Variants in DLG2 observed in about 807,000 individuals in gnomAD.
DLG2 encodes disks large homolog 2.
A neutral mutation model predicts 132.5 loss-of-function variants in DLG2; 45 were observed. The ratio of observed to expected loss-of-function variants is 0.34; its 90% CI spans 0.27 to 0.44. The LOEUF is 0.44. Among genes scored for constraint, DLG2 ranks in the 20% least tolerant of loss-of-function variants. The probability of loss-of-function intolerance (pLI) is 1.00; values close to 1 mark genes in which losing one functional copy is unlikely to be tolerated. For synonymous variants in DLG2, 424 were observed against 419.6 expected, an observed-to-expected ratio of 1.01 and a Z score of -0.13; for missense variants, 1,045 against 1,196.9, an observed-to-expected ratio of 0.87 and a Z score of 1.87.
intron 7 of DLG2, among the ~76,000 whole-genome samples, chr11:84,493,645 A>C (rs1412720112): frequency 6.6e-6 from 1 of 151,998 alleles, no homozygotes; most frequent in Non-Finnish European, 1.5e-5. Flanking sequence ...CAACTCCACC[A>C]CTCACATAGC....
intron 18 of DLG2, among the ~76,000 whole-genome samples, chr11:83,656,964 C>A (rs2072667143): frequency 6.6e-6 from 1 of 152,110 alleles, no homozygotes; most frequent in Non-Finnish European, 1.5e-5. Context: ...CCTACAAGGC[C>A]TTTGTTACCC....
chr11:84,078,336 A>G (rs1427338261), intron 10 of DLG2, among the ~76,000 whole-genome samples: 1 of 152,194 alleles, frequency 6.6e-6, no homozygotes. Flanking sequence ...AAATTACTTT[A>G]ATAATCTATC....
intron 6 of DLG2, among the ~76,000 whole-genome samples, chr11:84,845,169 A>G (rs1001527012): frequency 9.9e-5 from 15 of 152,168 alleles, no homozygotes; most frequent in Non-Finnish European, 1.5e-4. Flanking sequence ...TTTAGTAAAA[A>G]GAACAGGAAA....
Position 85,387,961 on chromosome 11 carries a change from G to A in DLG2, c.41-102596C>T, listed in dbSNP as rs145684124. ...GAGAATCCACAGACCATTTGAAGGA[G>A]GTGGAATGCCACTGCAGAATCCATG... On this transcript the variant is annotated intron_variant, in intron 3 of 27. Transcript: ENST00000376104. 2.9e-3 allele frequency among the ~76,000 whole-genome samples: 444 copies of A among 152,266 alleles called. 1 individual carries two copies. Among genetic ancestry groups the A allele is most frequent in the African/African-American group, 0.01 (430 of 41,546 alleles).
At chr11:84,974,901 T>C (rs1174820931) in intron 6 of DLG2, among the ~76,000 whole-genome samples, 1 of 152,228 alleles carries the variant, frequency 6.6e-6, no homozygotes, top group East Asian at 1.9e-4. Context: ...TATAAATAGG[T>C]ATAGACTTCT....
chr11:84,464,470 C>A (rs1405340812), intron 7 of DLG2, among the ~76,000 whole-genome samples: 2 of 151,166 alleles, frequency 1.3e-5, no homozygotes, highest in Non-Finnish European at 3.0e-5. Context: ...ATCTCAATCT[C>A]TTCAGAGTTT....
chr11:85,577,143 A>G lies in DLG2; in HGVS notation c.40+21514T>C, dbSNP rs114539175. Among the ~76,000 whole-genome samples, 1,163 of 152,288 alleles carry G rather than the reference A, an allele frequency of 7.6e-3. 16 individuals carry two copies. Among genetic ancestry groups the G allele is most frequent in the African/African-American group, 0.027 (1,132 of 41,578 alleles). On this transcript the variant is annotated intron_variant, in intron 3 of 27. Coordinates refer to ENST00000376104, the MANE Select transcript of DLG2 (RefSeq NM_001142699.3). ...GAAAGTGACAGGAAGCCAGTGAAAG[A>G]TTTTTAAAATACTGAGATAAACTAA... is the stretch of plus-strand genomic sequence containing the variant.
At chr11:85,484,056 C>A (rs927730382) in intron 3 of DLG2, among the ~76,000 whole-genome samples, 2 of 151,954 alleles carry the variant, frequency 1.3e-5, no homozygotes, top group Non-Finnish European at 2.9e-5. Context: ...GGCACGAGAC[C>A]GATAGTCAAC....
intron 6 of DLG2, among the ~76,000 whole-genome samples, chr11:84,947,748 A>G (rs1449788202): frequency 6.6e-6 from 1 of 152,218 alleles, no homozygotes; most frequent in Non-Finnish European, 1.5e-5. Context: ...TATTTAGGAT[A>G]AGCATTATTC....
intron 8 of DLG2, among the ~76,000 whole-genome samples, chr11:84,191,302 T>C (rs1280630493): frequency 1.3e-5 from 2 of 152,228 alleles, no homozygotes; most frequent in African/African-American, 4.8e-5. Context: ...TTGCAAGATA[T>C]GACTACACAT....
intron 15 of DLG2, among the ~76,000 whole-genome samples, chr11:83,882,949 C>T (rs2154076779): frequency 6.6e-6 from 1 of 152,236 alleles, no homozygotes; most frequent in African/African-American, 2.4e-5. Flanking sequence ...CAATTCTCAG[C>T]CCTTGGTTTT....
At chr11:84,678,589 T>C (rs912658159) in intron 6 of DLG2, among the ~76,000 whole-genome samples, 1 of 152,088 alleles carries the variant, frequency 6.6e-6, no homozygotes, top group Non-Finnish European at 1.5e-5. Context: ...CACATAACTA[T>C]ATGAAGCTTA....
chr11:83,945,930 T>C (rs1225440798), intron 14 of DLG2, among the ~76,000 whole-genome samples: 2 of 150,478 alleles, frequency 1.3e-5, no homozygotes, highest in African/African-American at 4.9e-5. Flanking sequence ...CCTTCCTTCC[T>C]TCCGTCCTTC....
intron 11 of DLG2, among the ~76,000 whole-genome samples, chr11:84,043,831 C>A (rs961045519): frequency 2.6e-5 from 4 of 151,534 alleles, no homozygotes; most frequent in Non-Finnish European, 2.9e-5. Context: ...TATTTAGGCC[C>A]TTTATTGGGT....
chr11:83,832,271 A>G (rs1341665480), intron 17 of DLG2, among the ~76,000 whole-genome samples: 1 of 152,202 alleles, frequency 6.6e-6, no homozygotes, highest in African/African-American at 2.4e-5. Flanking sequence ...ATAATAATAA[A>G]AAAAGAAGAG....
chr11:84,047,071 A>G (rs1189258103), intron 11 of DLG2, among the ~76,000 whole-genome samples: 1 of 151,604 alleles, frequency 6.6e-6, no homozygotes, highest in African/African-American at 2.4e-5. Flanking sequence ...TTAGTCAGGG[A>G]TCATGAAGAA....
intron 6 of DLG2, among the ~76,000 whole-genome samples, chr11:84,726,061 A>T (rs1176702220): frequency 1.3e-5 from 2 of 152,140 alleles, no homozygotes; most frequent in African/African-American, 4.8e-5. Context: ...ATATAAATGG[A>T]CTCTAATATG....
chr11:85,389,180 A>G (rs1202254335), intron 3 of DLG2, among the ~76,000 whole-genome samples: 2 of 152,182 alleles, frequency 1.3e-5, no homozygotes, highest in Non-Finnish European at 2.9e-5. Flanking sequence ...ACTTCTGAAA[A>G]TCAAGGACAC....
At chr11:85,010,239 G>A (rs1056464719) in intron 6 of DLG2, among the ~76,000 whole-genome samples, 1 of 152,004 alleles carries the variant, frequency 6.6e-6, no homozygotes, top group African/African-American at 2.4e-5. Context: ...GTATGCCTTT[G>A]CTTGACACAA....
Sources: gnomAD v4.1 joint callset for allele counts (sites outside exome capture counted in the v4.1 genomes callset) on GRCh38, gnomAD v4.1.1 for gene constraint, MANE v1.5 for transcripts, NCBI Gene and HGNC (gene_info 2026-07-23, HGNC 2026-07-21) for gene names.